CCDC85A: variants seen among roughly 807,000 people sequenced by gnomAD.
CCDC85A encodes coiled-coil domain containing 85A, also known as coiled-coil domain-containing protein 85A.
A neutral mutation model predicts 50.2 loss-of-function variants in CCDC85A; 38 were observed. That is an observed-to-expected ratio of 0.76 (90% CI 0.58 to 0.99). CCDC85A has a LOEUF of 0.99. CCDC85A is among the 50% of genes least tolerant of loss of function. The probability of loss-of-function intolerance (pLI) is 0.00; values close to 1 mark genes in which losing one functional copy is unlikely to be tolerated. For synonymous variants in CCDC85A, 366 were observed against 301.4 expected, an observed-to-expected ratio of 1.21 and a Z score of -2.22; for missense variants, 820 against 742.0, an observed-to-expected ratio of 1.11 and a Z score of -1.22.
chr2:56,204,885 T>G (rs1317890387), intron 2 of CCDC85A, among the ~76,000 whole-genome samples: 1 of 152,208 alleles, frequency 6.6e-6, no homozygotes, highest in East Asian at 1.9e-4. Context: ...ACCACAGTGA[T>G]GAGTCTGAAC....
At chr2:56,285,101 C>CTT (rs1296011376) in intron 2 of CCDC85A, among the ~76,000 whole-genome samples, 1 of 145,038 alleles carries the variant, frequency 6.9e-6, no homozygotes, top group Non-Finnish European at 1.5e-5. Flanking sequence ...TCTTTTCTTT[C>CTT]TTTTTTTTTT....
intron 2 of CCDC85A, among the ~76,000 whole-genome samples, chr2:56,325,923 A>G (rs1292010880): frequency 6.6e-6 from 1 of 152,128 alleles, no homozygotes; most frequent in Non-Finnish European, 1.5e-5. Context: ...CTGATTAAGG[A>G]GATAATGCAG....
At chr2:56,366,270 C>A (rs1230375883) in intron 3 of CCDC85A, among the ~76,000 whole-genome samples, 9 of 152,068 alleles carry the variant, frequency 5.9e-5, no homozygotes, top group South Asian at 4.1e-4. Context: ...TTAATGTATA[C>A]CCAGTAGTGG....
intron 5 of CCDC85A, among the ~76,000 whole-genome samples, chr2:56,380,786 T>C (rs1676549920): frequency 6.6e-6 from 1 of 152,178 alleles, no homozygotes; most frequent in African/African-American, 2.4e-5. Flanking sequence ...ATATAAATTG[T>C]GAGGCTTTAA....
chr2:56,352,956 G>T (rs998870488), intron 3 of CCDC85A, among the ~76,000 whole-genome samples: 1 of 152,134 alleles, frequency 6.6e-6, no homozygotes, highest in Non-Finnish European at 1.5e-5. Flanking sequence ...GCAAATTTAT[G>T]ACTCTTTATC....
chr2:56,380,559 C>CAA (rs1376336014), intron 5 of CCDC85A, among the ~76,000 whole-genome samples: 2 of 125,436 alleles, frequency 1.6e-5, no homozygotes, highest in Non-Finnish European at 1.7e-5. Flanking sequence ...GACCCTGTCT[C>CAA]AAAAAAAAAA....
rs571996229 is a variant in CCDC85A, at chr2:56,222,659, T to C, written c.1240+29219T>C. 3.0e-4 allele frequency among the ~76,000 whole-genome samples: 46 copies of C among 152,256 alleles called. 1 individual carries two copies. In the South Asian group the frequency reaches 6.6e-3, roughly 22 times the overall value. ...AAATCTGTTTTCTTGGCACAGAATA[T>C]TCATGGGCATATCAGACACGTTTTC... On this transcript the variant is annotated intron_variant, in intron 2 of 5. Transcript: ENST00000407595.
intron 2 of CCDC85A, among the ~76,000 whole-genome samples, chr2:56,249,491 G>A (rs1467501915): frequency 6.6e-6 from 1 of 152,204 alleles, no homozygotes; most frequent in Admixed American, 6.5e-5. Flanking sequence ...GCCTATATGT[G>A]AATCTGTCCC....
At chr2:56,329,228 C>A (rs947340430) in intron 2 of CCDC85A, among the ~76,000 whole-genome samples, 10 of 152,136 alleles carry the variant, frequency 6.6e-5, no homozygotes, top group African/African-American at 2.4e-4. Flanking sequence ...AAGCTCATTC[C>A]CAAATGTTTG....
intron 2 of CCDC85A, among the ~76,000 whole-genome samples, chr2:56,201,351 T>C (rs1484702334): frequency 6.6e-6 from 1 of 152,200 alleles, no homozygotes; most frequent in East Asian, 1.9e-4. Flanking sequence ...AGATTAACTT[T>C]GGAAGACTAG....
rs138724844 is a variant in CCDC85A, at chr2:56,346,174, A to G, written c.1317+3219A>G. Among the ~76,000 whole-genome samples, 307 of 152,360 alleles carry G rather than the reference A, an allele frequency of 2.0e-3. 2 individuals are homozygous for G. Among genetic ancestry groups the G allele is most frequent in the African/African-American group, 6.7e-3 (279 of 41,580 alleles). ...TTTTATTCTTTATATAAAATTGTAT[A>G]TAATGAACAGAAAGTCACAACTTTG... On this transcript the variant is annotated intron_variant, in intron 3 of 5. Transcript: ENST00000407595.
intron 3 of CCDC85A, among the ~76,000 whole-genome samples, chr2:56,363,964 T>A (rs1001674719): frequency 2.0e-5 from 3 of 152,190 alleles, no homozygotes; most frequent in Non-Finnish European, 4.4e-5. Flanking sequence ...GCCATAACCT[T>A]TTACTATTTA....
In CCDC85A at chr2:56,184,376, G is replaced by A. The variant is rs1488866950; in HGVS notation, c.-249G>A. ...CTCACCATGGACTTGCGCGGAGTTGGGACGGGCCTCGGCAGCAGCAAGCGG... is the reference window on the plus strand; with the variant it reads ...CTCACCATGGACTTGCGCGGAGTTGAGACGGGCCTCGGCAGCAGCAAGCGG... On this transcript the variant is annotated 5_prime_UTR_variant, in exon 1 of 6. Coordinates refer to ENST00000407595, the MANE Select transcript of CCDC85A (RefSeq NM_001080433.2). 1 of 490,656 alleles carries A rather than the reference G, an allele frequency of 2.0e-6. No homozygotes were observed. Among genetic ancestry groups the A allele is most frequent in the Non-Finnish European group, 3.0e-6 (1 of 333,300 alleles). The allele number at this position is 490,656 out of a possible 1,614,324, so 30.4% of individuals were successfully genotyped here. A position where few individuals can be genotyped will look rare whatever the true frequency, so the allele number is the denominator to read the frequency against.
intron 2 of CCDC85A, among the ~76,000 whole-genome samples, chr2:56,251,382 A>C (rs1473631366): frequency 6.6e-6 from 1 of 152,238 alleles, no homozygotes; most frequent in Non-Finnish European, 1.5e-5. Flanking sequence ...TTTGGGAAAA[A>C]GTTGACGAGT....
Position 56,211,486 on chromosome 2 carries a change from A to G in CCDC85A, c.1240+18046A>G, listed in dbSNP as rs17047605. Among the ~76,000 whole-genome samples, 1,118 of 152,092 alleles carry G rather than the reference A, an allele frequency of 7.4e-3. 10 individuals are homozygous for G. Among genetic ancestry groups the G allele is most frequent in the African/African-American group, 0.025 (1,057 of 41,518 alleles). ...ACATCCTGTGGGTGTTATCACTATC[A>G]TTGTAACTAATGGAATCTTATTTAG... On this transcript the variant is annotated intron_variant, in intron 2 of 5. Coordinates refer to ENST00000407595, the MANE Select transcript of CCDC85A (RefSeq NM_001080433.2).
intron 2 of CCDC85A, among the ~76,000 whole-genome samples, chr2:56,312,881 G>A (rs1672759886): frequency 6.6e-6 from 1 of 150,836 alleles, no homozygotes; most frequent in Non-Finnish European, 1.5e-5. Flanking sequence ...TATATTTGTA[G>A]TTTTATATAT....
intron 2 of CCDC85A, among the ~76,000 whole-genome samples, chr2:56,216,181 G>A (rs1019564301): frequency 6.6e-6 from 1 of 151,832 alleles, no homozygotes; most frequent in East Asian, 1.9e-4. Context: ...TGCGAACAAA[G>A]CTATCATAAG....
chr2:56,329,976 T>C (rs1467044278), intron 2 of CCDC85A, among the ~76,000 whole-genome samples: 1 of 134,022 alleles, frequency 7.5e-6, no homozygotes, highest in Admixed American at 7.6e-5. Flanking sequence ...TTTTTTTTTT[T>C]TTTTTACCAA....
chr2:56,380,078 A>G (rs1453666096), intron 5 of CCDC85A, among the ~76,000 whole-genome samples: 7 of 152,160 alleles, frequency 4.6e-5, no homozygotes, highest in Non-Finnish European at 1.0e-4. Context: ...TGTATTCCAG[A>G]AGACTCTACA....
Sources: gnomAD v4.1 joint callset for allele counts (sites outside exome capture counted in the v4.1 genomes callset) on GRCh38, gnomAD v4.1.1 for gene constraint, MANE v1.5 for transcripts, NCBI Gene and HGNC (gene_info 2026-07-23, HGNC 2026-07-21) for gene names.